ACOXL: variants seen among roughly 807,000 people sequenced by gnomAD.
ACOXL encodes acyl-CoA oxidase like, also known as acyl-coenzyme A oxidase-like protein.
ACOXL carries 70 observed loss-of-function variants against 71.9 expected under a neutral mutation model. That is an observed-to-expected ratio of 0.97 (90% CI 0.80 to 1.19). The LOEUF (loss-of-function observed/expected upper bound fraction) is 1.19. Ranked by LOEUF, ACOXL falls within the 50% of genes most tolerant of loss-of-function variation. The pLI is 0.00. For synonymous variants in ACOXL, 253 were observed against 281.6 expected (o/e 0.90, Z 1.02); for missense variants, 703 against 736.3 (o/e 0.95, Z 0.52).
chr2:110,774,143 C>T (rs769096865), intron 2 of ACOXL, among the ~76,000 whole-genome samples: 2 of 152,156 alleles, frequency 1.3e-5, no homozygotes, highest in East Asian at 1.9e-4. Context: ...AAGTCCCTTC[C>T]GTGTGCCAGG....
intron 10 of ACOXL, among the ~76,000 whole-genome samples, chr2:110,862,181 A>C (rs1694032799): frequency 6.6e-6 from 1 of 152,196 alleles, no homozygotes; most frequent in African/African-American, 2.4e-5. Flanking sequence ...GCCAAGCCTC[A>C]GACAACCTGA....
chr2:111,056,858 T>C (rs954815638), intron 16 of ACOXL, among the ~76,000 whole-genome samples: 14 of 152,058 alleles, frequency 9.2e-5, no homozygotes, highest in African/African-American at 3.1e-4. Context: ...AAGGGTCATT[T>C]TGGTGGCTTT....
chr2:111,034,949 G>A (rs983567867), intron 15 of ACOXL, among the ~76,000 whole-genome samples: 13 of 148,818 alleles, frequency 8.7e-5, no homozygotes, highest in African/African-American at 1.5e-4. Flanking sequence ...ACGGAGTCTC[G>A]CTCTGTCGCC....
At chr2:110,765,385 T>A (rs969068139) in intron 1 of ACOXL, among the ~76,000 whole-genome samples, 1 of 151,856 alleles carries the variant, frequency 6.6e-6, no homozygotes, top group Non-Finnish European at 1.5e-5. Context: ...CCAGTCTCTC[T>A]TTTTTTTGCT....
chr2:110,796,043 C>T (rs1685242286), intron 5 of ACOXL: 1 of 151,108 alleles, frequency 6.6e-6, no homozygotes, highest in Non-Finnish European at 1.5e-5. Context: ...CCATCATAAA[C>T]TCATACCACC....
chr2:111,112,574 G>A (rs992285775), intron 17 of ACOXL, among the ~76,000 whole-genome samples: 2 of 152,226 alleles, frequency 1.3e-5, no homozygotes, highest in Non-Finnish European at 2.9e-5. Context: ...ATAAGTGAGC[G>A]AGGAGGAGAT....
intron 14 of ACOXL, among the ~76,000 whole-genome samples, chr2:111,013,180 A>T (rs2064248046): frequency 6.6e-6 from 1 of 152,218 alleles, no homozygotes; most frequent in African/African-American, 2.4e-5. Context: ...CAAGTTCAGT[A>T]ACTTAGAATA....
chr2:110,960,265 T>C (rs2061651931), intron 12 of ACOXL, among the ~76,000 whole-genome samples: 1 of 152,174 alleles, frequency 6.6e-6, no homozygotes. Context: ...CTTCAGTTTT[T>C]TCATCCGGAA....
At chr2:110,772,796 G>A (rs762285903) in intron 2 of ACOXL, among the ~76,000 whole-genome samples, 36 of 152,140 alleles carry the variant, frequency 2.4e-4, no homozygotes, top group Non-Finnish European at 4.4e-4. Flanking sequence ...GAAAGTATAT[G>A]TCCAACTACC....
chr2:111,063,433 T>C (rs2149891937), intron 16 of ACOXL, among the ~76,000 whole-genome samples: 1 of 152,256 alleles, frequency 6.6e-6, no homozygotes, highest in African/African-American at 2.4e-5. Context: ...ACTGACCAAG[T>C]GTGGTTTGCT....
At chr2:110,997,723 G>A (rs866346527) in intron 14 of ACOXL, among the ~76,000 whole-genome samples, 15 of 152,206 alleles carry the variant, frequency 9.9e-5, no homozygotes, top group South Asian at 2.1e-4. Context: ...AAAGATTGGC[G>A]GTCCCTGTGA....
In ACOXL at chr2:110,913,965, A is replaced by G. The variant is rs111500175; in HGVS notation, c.905+5060A>G. 7.1e-3 allele frequency among the ~76,000 whole-genome samples: 1,086 copies of G among 152,322 alleles called. 3 individuals are homozygous for G. The highest frequency in any genetic ancestry group is 0.012 in the Non-Finnish European group (841 of 68,022). ...CTCACCTCCAACATTGGGAATTACA[A>G]TATGAGATGTGGAGGGGACATCCAA... On this transcript the variant is annotated intron_variant, in intron 11 of 17. Transcript: ENST00000439055.
In ACOXL at chr2:110,770,493, C is replaced by T. The variant is rs550951515; in HGVS notation, c.75+2029C>T. 5.3e-5 allele frequency among the ~76,000 whole-genome samples: 8 copies of T among 152,314 alleles called. No homozygotes were observed. The East Asian group carries it at 1.4e-3, about 26-fold the overall frequency. ...CAAGGGCGCTGCAGTGTCAGCTGAG[C>T]TGGAGAACGTGCAGATGGATGTTCA... On this transcript the variant is annotated intron_variant, in intron 2 of 17. Transcript: ENST00000439055.
chr2:110,859,491 G>A (rs1458684435), intron 10 of ACOXL, among the ~76,000 whole-genome samples: 1 of 152,200 alleles, frequency 6.6e-6, no homozygotes, highest in Admixed American at 6.5e-5. Context: ...ATGAAAGGGA[G>A]ACTTATTGGG....
intron 14 of ACOXL, among the ~76,000 whole-genome samples, chr2:111,000,226 C>T (rs1483532): frequency 0.075 from 11,364 of 152,170 alleles, 627 homozygotes; most frequent in South Asian, 0.15. Context: ...ATCCTTGTTA[C>T]GTAGTGGCAT....
chr2:111,077,012 A>G (rs1303063709), intron 16 of ACOXL, among the ~76,000 whole-genome samples: 1 of 152,122 alleles, frequency 6.6e-6, no homozygotes, highest in Non-Finnish European at 1.5e-5. Context: ...ATCCAGAATA[A>G]TCTCTCCATT....
chr2:110,793,610 G>A (rs924992294), intron 3 of ACOXL, 40 bp from the exon 4 acceptor site: 3 of 1,565,876 alleles, frequency 1.9e-6, no homozygotes, highest in African/African-American at 2.7e-5. Flanking sequence ...TTAGATTGCT[G>A]ACTGTTGCTA....
chr2:110,834,497 G>A (rs1480446676), intron 9 of ACOXL, among the ~76,000 whole-genome samples: 2 of 152,250 alleles, frequency 1.3e-5, no homozygotes, highest in Non-Finnish European at 2.9e-5. Flanking sequence ...ACTACCTGGA[G>A]TGAATTCAGC....
intron 5 of ACOXL, among the ~76,000 whole-genome samples, chr2:110,797,280 G>A (rs1186767881): frequency 1.3e-5 from 2 of 152,190 alleles, no homozygotes; most frequent in Non-Finnish European, 2.9e-5. Context: ...GTTTCAGACT[G>A]TTTTGAGCTG....
Sources: allele counts gnomAD v4.1 joint callset (sites outside exome capture counted in the v4.1 genomes callset), GRCh38; gene constraint gnomAD v4.1.1; transcripts MANE v1.5; gene names NCBI Gene and HGNC (gene_info 2026-07-23, HGNC 2026-07-21).